Variants in ACTR3C observed in about 807,000 individuals in gnomAD.
ACTR3C encodes actin-related protein 3C.
Under a neutral mutation model 26.3 loss-of-function variants are expected in ACTR3C, and 18 were observed. That is an observed-to-expected ratio of 0.68 (90% CI 0.47 to 1.01). ACTR3C has a LOEUF of 1.01. Ranked by LOEUF, ACTR3C falls within the 50% of genes least tolerant of loss-of-function variation. ACTR3C has a pLI of 0.00. For synonymous variants in ACTR3C, 55 were observed against 94.5 expected (o/e 0.58, Z 2.42); for missense variants, 184 against 250.7 (o/e 0.73, Z 1.80).
chr7:150,242,920 G>C (rs985931117), downstream of ACTR3C, among the ~76,000 whole-genome samples: 1 of 152,122 alleles, frequency 6.6e-6, no homozygotes, highest in African/African-American at 2.4e-5. Flanking sequence ...TGATCTTTTA[G>C]AAAATAATAA....
the ACTR3C span, among the ~76,000 whole-genome samples, chr7:150,164,057 A>G: frequency 0.03 from 3,566 of 119,036 alleles, no homozygotes; most frequent in South Asian, 0.051. Context: ...TGCTGGCATC[A>G]TAGAAGAACA....
chr7:149,973,415 T>C, the ACTR3C span, among the ~76,000 whole-genome samples: 1 of 152,204 alleles, frequency 6.6e-6, no homozygotes, highest in African/African-American at 2.4e-5. Flanking sequence ...CCCCTAACAA[T>C]TTTAAGAGCA....
the ACTR3C span, among the ~76,000 whole-genome samples, chr7:150,082,934 CTTTTTTTTTTTTCTTT>C: frequency 9.5e-6 from 1 of 104,984 alleles, no homozygotes; most frequent in African/African-American, 3.8e-5. Context: ...TCTTTTTTTT[CTTTTTTTTTTTTCTTT>C]TTTTTTTTTT....
the ACTR3C span, among the ~76,000 whole-genome samples, chr7:150,177,296 C>T: frequency 6.6e-6 from 1 of 150,414 alleles, no homozygotes; most frequent in Non-Finnish European, 1.5e-5. Context: ...CGGATAATAT[C>T]CCTAGAAGTC....
chr7:150,142,730 T>C, the ACTR3C span, among the ~76,000 whole-genome samples: 1 of 152,238 alleles, frequency 6.6e-6, no homozygotes, highest in East Asian at 1.9e-4. Context: ...GGTTTTACTA[T>C]GCTGGCCAGG....
the ACTR3C span, among the ~76,000 whole-genome samples, chr7:150,179,407 A>C: frequency 8.2e-6 from 1 of 122,578 alleles, no homozygotes; most frequent in Non-Finnish European, 1.7e-5. Flanking sequence ...CCAGAAAGAT[A>C]GACACAACAG....
At chr7:150,284,318 A>AT (rs764154502) in intron 6 of ACTR3C, among the ~76,000 whole-genome samples, 1 of 152,142 alleles carries the variant, frequency 6.6e-6, no homozygotes, top group Non-Finnish European at 1.5e-5. Context: ...AGGCGGGTGG[A>AT]TTGCCTGAGC....
the ACTR3C span, among the ~76,000 whole-genome samples, chr7:149,978,202 G>A: frequency 7.9e-5 from 12 of 152,196 alleles, no homozygotes; most frequent in Non-Finnish European, 1.3e-4. Flanking sequence ...CAGTGGCAGC[G>A]GAGGCCAGGT....
chr7:150,245,190 G>A (rs1206489586), downstream of ACTR3C: 1 of 152,132 alleles, frequency 6.6e-6, no homozygotes, highest in Non-Finnish European at 1.5e-5. Context: ...CTTATAAAAG[G>A]AATTCATTAT....
At chr7:150,041,257 G>A in the ACTR3C span, 108 of 150,674 alleles carry the variant, frequency 7.2e-4, no homozygotes, top group African/African-American at 2.5e-3. Context: ...CAAAGTTTGG[G>A]ATCCACAGTC....
chr7:150,210,817 C>T, the ACTR3C span, among the ~76,000 whole-genome samples: 1 of 146,514 alleles, frequency 6.8e-6, no homozygotes, highest in Admixed American at 6.7e-5. Flanking sequence ...TTGACCGTGG[C>T]GTTTTCACGG....
chr7:150,115,783 G>A, the ACTR3C span, among the ~76,000 whole-genome samples: 1 of 152,236 alleles, frequency 6.6e-6, no homozygotes, highest in Non-Finnish European at 1.5e-5. Flanking sequence ...CTTGTACAGT[G>A]AATGGCAGGA....
At position 150,290,249 on chromosome 7, in the gene ACTR3C, T is replaced by TCTG. The variant is rs567589315; in HGVS notation, c.154-659_154-657dup. On this transcript the variant is annotated intron_variant, in intron 3 of 7. Coordinates refer to ENST00000683684, the MANE Select transcript of ACTR3C (RefSeq NM_001164458.2). ...GCCTCCCTAAGCCAGTGAAGGCATG[T>TCTG]CTGTGAGGGGCCAGGAAAGGAGGGT... Among the ~76,000 whole-genome samples, 207 of 152,278 alleles carry TCTG rather than the reference T, an allele frequency of 1.4e-3. 1 individual carries two copies. The highest frequency in any genetic ancestry group is 4.8e-3 in the African/African-American group (200 of 41,556).
chr7:150,237,869 A>ATCC, the ACTR3C span, among the ~76,000 whole-genome samples: 1 of 148,136 alleles, frequency 6.8e-6, no homozygotes, highest in African/African-American at 2.6e-5. Context: ...ATCTGCTAAC[A>ATCC]TCCCAGGCAC....
chr7:150,089,905 C>G, the ACTR3C span, among the ~76,000 whole-genome samples: 1 of 152,212 alleles, frequency 6.6e-6, no homozygotes, highest in South Asian at 2.1e-4. Context: ...ATAAAAATTT[C>G]CAAACTCTAG....
At chr7:150,138,665 C>T in the ACTR3C span, among the ~76,000 whole-genome samples, 1 of 152,278 alleles carries the variant, frequency 6.6e-6, no homozygotes, top group Non-Finnish European at 1.5e-5. Flanking sequence ...CTCTCCTCTG[C>T]AGTGTAGTCT....
At chr7:150,291,479 C>T (rs754908961) in intron 3 of ACTR3C, among the ~76,000 whole-genome samples, 5 of 152,114 alleles carry the variant, frequency 3.3e-5, no homozygotes, top group Non-Finnish European at 5.9e-5. Context: ...AAGTATAATA[C>T]AGGTCTTTGG....
chr7:150,165,192 A>C, the ACTR3C span, among the ~76,000 whole-genome samples: 1 of 152,290 alleles, frequency 6.6e-6, no homozygotes, highest in African/African-American at 2.4e-5. Flanking sequence ...ATCTGATCTC[A>C]AGCAAGTCAC....
the ACTR3C span, among the ~76,000 whole-genome samples, chr7:150,033,930 C>A: frequency 2.6e-5 from 4 of 151,200 alleles, no homozygotes; most frequent in Non-Finnish European, 5.9e-5. Context: ...GTGCCTCCCC[C>A]CCTGCGATGG....
Sources: gnomAD v4.1 joint callset for allele counts (sites outside exome capture counted in the v4.1 genomes callset) on GRCh38, gnomAD v4.1.1 for gene constraint, MANE v1.5 for transcripts, NCBI Gene and HGNC (gene_info 2026-07-23, HGNC 2026-07-21) for gene names.